The following CDH18 variants were observed in gnomAD, a reference collection of about 807,000 sequenced individuals.
CDH18 encodes cadherin 18.
In CDH18, 31 loss-of-function variants were observed where a neutral mutation model predicts 67.9. The ratio of observed to expected loss-of-function variants is 0.46; its 90% CI spans 0.34 to 0.62. The LOEUF (loss-of-function observed/expected upper bound fraction) is 0.62. CDH18 is among the 20% of genes least tolerant of loss of function. The pLI is 0.01. For missense variants in CDH18, 890 were observed against 975.5 expected (o/e 0.91, Z 1.17); for synonymous variants, 362 against 347.2 (o/e 1.04, Z -0.48).
rs1581176611 is a variant in CDH18 at position 19,748,125 on chromosome 5, A to AAAAAAAAAAAAAAAAAAAAAAAAAAT, written c.229-890_229-889insATTTTTTTTTTTTTTTTTTTTTTTTT. Reference sequence around the variant, plus strand: ...GAGACTCCATCTCAAAAAAAAAAAAAAAAAAAAAGAGTACTTTTTTAGGGA... The same window carrying AAAAAAAAAAAAAAAAAAAAAAAAAAT: ...GAGACTCCATCTCAAAAAAAAAAAAAAAAAAAAAAAAAAAAAAAAAAAAAATAAAAAAAAGAGTACTTTTTTAGGGA... On this transcript the variant is annotated intron_variant, in intron 3 of 12. Transcript: ENST00000382275. Among the ~76,000 whole-genome samples the AAAAAAAAAAAAAAAAAAAAAAAAAAT allele has an allele frequency of 1.4e-5, 2 of 144,064 alleles. 1 individual carries two copies. The highest frequency in any genetic ancestry group is 3.0e-5 in the Non-Finnish European group (2 of 65,598). The allele number at this position is 144,064 out of a possible 152,430, so 94.5% of individuals were successfully genotyped here.
chr5:20,030,372 C>T (rs980223085), intron 2 of CDH18, among the ~76,000 whole-genome samples: 6 of 152,198 alleles, frequency 3.9e-5, no homozygotes, highest in Admixed American at 2.6e-4. Context: ...TATGAGGTAT[C>T]TGTCCAGACA....
intron 1 of CDH18, among the ~76,000 whole-genome samples, chr5:20,267,063 C>T (rs1004188820): frequency 3.9e-5 from 6 of 152,200 alleles, no homozygotes; most frequent in Middle Eastern, 3.4e-3. Context: ...TTTGGTCATA[C>T]AGACAATAAA....
rs56003449 is a variant in CDH18, at chr5:20,299,403, TACACACACACACACACACACAC to T, written c.-579-43920_-579-43899del. Among the ~76,000 whole-genome samples, 12 of 138,768 alleles carry T rather than the reference TACACACACACACACACACACAC, an allele frequency of 8.6e-5. No individual in the cohort carries two copies. In the South Asian group the frequency reaches 9.9e-4, roughly 11 times the overall value. The allele number at this position is 138,768 out of a possible 152,430, so 91.0% of individuals were successfully genotyped here. A position where few individuals can be genotyped will look rare whatever the true frequency, so the allele number is the denominator to read the frequency against. ...AAAGCCCCAAATCATCAACATTAGCTACACACACACACACACACACACACACACACACACACACACACACACA... is the reference window on the plus strand; with the variant it reads ...AAAGCCCCAAATCATCAACATTAGCTACACACACACACACACACACACACA... On this transcript the variant is annotated intron_variant, in intron 1 of 14. Coordinates refer to the CDH18 transcript ENST00000507958.
chr5:19,576,022 C>A (rs1234108167), intron 7 of CDH18, among the ~76,000 whole-genome samples: 1 of 151,966 alleles, frequency 6.6e-6, no homozygotes, highest in Non-Finnish European at 1.5e-5. Flanking sequence ...GTACTTTATG[C>A]AAAGTACCCG....
intron 2 of CDH18, among the ~76,000 whole-genome samples, chr5:20,105,654 T>G (rs1364237996): frequency 6.6e-6 from 1 of 152,222 alleles, no homozygotes; most frequent in Non-Finnish European, 1.5e-5. Context: ...CTCATAAACG[T>G]GGAATTATGC....
At chr5:19,611,489 T>C (rs1748956026) in intron 6 of CDH18, among the ~76,000 whole-genome samples, 1 of 152,108 alleles carries the variant, frequency 6.6e-6, no homozygotes, top group Admixed American at 6.6e-5. Flanking sequence ...CAAAGTGTTA[T>C]TATATTTTAG....
At chr5:19,941,852 T>C (rs1210436070) in intron 2 of CDH18, among the ~76,000 whole-genome samples, 4 of 151,926 alleles carry the variant, frequency 2.6e-5, no homozygotes, top group Non-Finnish European at 5.9e-5. Context: ...GTATAAAAAA[T>C]GTGATTCATT....
chr5:19,669,590 C>A (rs1045768044), intron 5 of CDH18, among the ~76,000 whole-genome samples: 4 of 152,150 alleles, frequency 2.6e-5, no homozygotes. Flanking sequence ...TGCACCCAAC[C>A]TCTCATTGAT....
chr5:19,494,535 T>A (rs568593075), intron 11 of CDH18, among the ~76,000 whole-genome samples: 64 of 152,214 alleles, frequency 4.2e-4, no homozygotes, highest in Non-Finnish European at 6.9e-4. Context: ...TTTAATAGTT[T>A]CCATTTGAAT....
chr5:19,778,508 TAATC>T (rs1774673765), intron 3 of CDH18, among the ~76,000 whole-genome samples: 1 of 152,156 alleles, frequency 6.6e-6, no homozygotes, highest in African/African-American at 2.4e-5. Context: ...ATGGAATACA[TAATC>T]AAGATGAAAA....
rs116658772 is a variant in CDH18, at chr5:20,444,166, C to A, written c.-580+131296G>T. ...TTATAGTCATGTGAGGAGTTCCTAT[C>A]CAATATTACATTTGACCAGGCCTTT... On this transcript the variant is annotated intron_variant, in intron 1 of 14. Transcript: ENST00000507958. Among the ~76,000 whole-genome samples, 592 of 152,210 alleles carry A rather than the reference C, an allele frequency of 3.9e-3. 20 individuals are homozygous for A. Among genetic ancestry groups the A allele is most frequent in the African/African-American group, 0.013 (533 of 41,484 alleles).
At chr5:20,442,959 C>T (rs1749718157) in intron 1 of CDH18, among the ~76,000 whole-genome samples, 1 of 151,574 alleles carries the variant, frequency 6.6e-6, no homozygotes, top group Non-Finnish European at 1.5e-5. Flanking sequence ...CCTGTAATCC[C>T]AGCACTTTGG....
At chr5:20,469,098 A>C (rs763131102) in intron 1 of CDH18, among the ~76,000 whole-genome samples, 2 of 152,194 alleles carry the variant, frequency 1.3e-5, no homozygotes, top group Admixed American at 6.5e-5. Flanking sequence ...GCAAGTGCCA[A>C]ACAGTAATCA....
intron 1 of CDH18, among the ~76,000 whole-genome samples, chr5:20,287,924 T>C (rs1448945196): frequency 6.6e-6 from 1 of 151,872 alleles, no homozygotes; most frequent in East Asian, 1.9e-4. Flanking sequence ...AAATTTATCC[T>C]TGTTCAAGCA....
At chr5:20,250,332 C>T (rs986039767) in intron 2 of CDH18, among the ~76,000 whole-genome samples, 2 of 151,376 alleles carry the variant, frequency 1.3e-5, no homozygotes, top group Admixed American at 6.6e-5. Context: ...CTTGCTCTGT[C>T]GCCAGGCTGG....
intron 7 of CDH18, among the ~76,000 whole-genome samples, chr5:19,573,352 C>A (rs1236686422): frequency 1.3e-5 from 2 of 148,886 alleles, no homozygotes; most frequent in Admixed American, 6.7e-5. Flanking sequence ...GATCTCGGCT[C>A]ACTGCAAGCT....
chr5:20,533,147 C>G (rs1319835146), intron 1 of CDH18, among the ~76,000 whole-genome samples: 4 of 152,026 alleles, frequency 2.6e-5, no homozygotes, highest in African/African-American at 9.7e-5. Context: ...GGCCACAATC[C>G]AAATGACGCT....
intron 1 of CDH18, among the ~76,000 whole-genome samples, chr5:20,456,754 A>G (rs1463320258): frequency 1.3e-5 from 2 of 152,166 alleles, no homozygotes; most frequent in Non-Finnish European, 2.9e-5. Flanking sequence ...GTAATAGTAC[A>G]TATATTTGCA....
intron 7 of CDH18, among the ~76,000 whole-genome samples, chr5:19,582,767 T>G (rs1045173148): frequency 3.3e-5 from 5 of 152,162 alleles, no homozygotes; most frequent in African/African-American, 7.2e-5. Context: ...TTGGGATGAC[T>G]TATTTATTAC....
Sources: gnomAD v4.1 joint callset for allele counts (sites outside exome capture counted in the v4.1 genomes callset) on GRCh38, gnomAD v4.1.1 for gene constraint, MANE v1.5 for transcripts, NCBI Gene and HGNC (gene_info 2026-07-23, HGNC 2026-07-21) for gene names.